The following MGAT4C variants were observed in gnomAD, a reference collection of about 807,000 sequenced individuals.
MGAT4C encodes MGAT4 family member C.
Under a neutral mutation model 40.1 loss-of-function variants are expected in MGAT4C, and 19 were observed. The ratio of observed to expected loss-of-function variants is 0.47; its 90% CI spans 0.33 to 0.70. The LOEUF is 0.70. Among genes scored for constraint, MGAT4C ranks in the 30% least tolerant of loss-of-function variants. The pLI is 0.02. For synonymous variants in MGAT4C, 181 were observed against 187.1 expected, an observed-to-expected ratio of 0.97 and a Z score of 0.27; for missense variants, 491 against 563.2, an observed-to-expected ratio of 0.87 and a Z score of 1.30.
chr12:86,700,544 C>T (rs1950343535), intron 2 of MGAT4C, among the ~76,000 whole-genome samples: 1 of 151,920 alleles, frequency 6.6e-6, no homozygotes, highest in African/African-American at 2.4e-5. Flanking sequence ...AAATGAAGTG[C>T]CCTTCTAATG....
At chr12:86,754,039 A>T (rs1224404365) in intron 1 of MGAT4C, among the ~76,000 whole-genome samples, 3 of 152,154 alleles carry the variant, frequency 2.0e-5, no homozygotes, top group African/African-American at 7.2e-5. Context: ...ACTTGTATGT[A>T]AGCATTCGTA....
In MGAT4C at chr12:86,589,732, A is replaced by C. The variant is rs546689777; in HGVS notation, c.-229+137477T>G. Among the ~76,000 whole-genome samples the C allele has an allele frequency of 7.6e-3, 1,160 of 152,174 alleles. 15 individuals carry two copies. Among genetic ancestry groups the C allele is most frequent in the African/African-American group, 0.025 (1,055 of 41,552 alleles). On this transcript the variant is annotated intron_variant, in intron 2 of 7. Coordinates refer to the MGAT4C transcript ENST00000548651. ...TGATCAAGTGGGCTTCATCCCTGGG[A>C]TGCAAGGCTGGTTCAATATACGCAA...
intron 2 of MGAT4C, among the ~76,000 whole-genome samples, chr12:86,640,331 T>C (rs1963343448): frequency 2.0e-5 from 3 of 151,834 alleles, no homozygotes; most frequent in Admixed American, 1.3e-4. Context: ...GTTATTTTGA[T>C]TGAATAAAGT....
chr12:86,635,029 T>C (rs532296329), intron 2 of MGAT4C, among the ~76,000 whole-genome samples: 1 of 152,296 alleles, frequency 6.6e-6, no homozygotes, highest in South Asian at 2.1e-4. Context: ...TACGTCTTAC[T>C]GAGCTTTTTA....
chr12:86,783,375 A>G (rs903164101), intron 1 of MGAT4C, among the ~76,000 whole-genome samples: 2 of 152,130 alleles, frequency 1.3e-5, no homozygotes, highest in Admixed American at 1.3e-4. Flanking sequence ...TTTCACATGC[A>G]TCATTTCAAT....
At chr12:86,276,812 C>T (rs979660418) in intron 4 of MGAT4C, among the ~76,000 whole-genome samples, 4 of 152,304 alleles carry the variant, frequency 2.6e-5, no homozygotes, top group African/African-American at 9.6e-5. Context: ...ATACATACTA[C>T]ATGTTCTTTA....
intron 1 of MGAT4C, among the ~76,000 whole-genome samples, chr12:86,817,908 A>G (rs1952635286): frequency 6.6e-6 from 1 of 151,424 alleles, no homozygotes; most frequent in Non-Finnish European, 1.5e-5. Context: ...CAGGAATTTG[A>G]ACTGGTTCCT....
At chr12:86,730,231 C>A (rs1344675278) in intron 1 of MGAT4C, among the ~76,000 whole-genome samples, 1 of 151,944 alleles carries the variant, frequency 6.6e-6, no homozygotes, top group Non-Finnish European at 1.5e-5. Context: ...ATATTTATGT[C>A]AACTGCTACT....
rs538473097 is a variant in MGAT4C, at chr12:86,521,472, G to A, written c.-228-86207C>T. Among the ~76,000 whole-genome samples, 102 of 152,116 alleles carry A rather than the reference G, an allele frequency of 6.7e-4. 1 individual carries two copies. In the South Asian group the frequency reaches 0.012, roughly 18 times the overall value. On this transcript the variant is annotated intron_variant, in intron 2 of 7. Coordinates refer to the MGAT4C transcript ENST00000548651. Reference sequence around the variant, plus strand: ...GTACTATGCTGCTCTGTTTACTGTAGCCCTGTAGTATAGTTTGAAGTTGGG... The same window carrying A: ...GTACTATGCTGCTCTGTTTACTGTAACCCTGTAGTATAGTTTGAAGTTGGG...
intron 2 of MGAT4C, among the ~76,000 whole-genome samples, chr12:86,584,097 G>A (rs1960908348): frequency 6.6e-6 from 1 of 150,676 alleles, no homozygotes; most frequent in Non-Finnish European, 1.5e-5. Context: ...TTTTATCAGT[G>A]AGTTTTATCA....
In MGAT4C at chr12:86,264,546, A is replaced by C. The variant is rs115962308; in HGVS notation, c.-57+69519T>G. Among the ~76,000 whole-genome samples the C allele has an allele frequency of 7.7e-3, 1,166 of 152,186 alleles. 22 individuals are homozygous for C. Among genetic ancestry groups the C allele is most frequent in the African/African-American group, 0.027 (1,117 of 41,518 alleles). The stretch of plus-strand genomic sequence containing the variant: ...CAGGTGGAAGTCCCGCCCCCTTCCG[A>C]GTTAGCTGGGCAGGAGCCTCCTGCT... On this transcript the variant is annotated intron_variant, in intron 4 of 7. Transcript: ENST00000548651.
At chr12:86,315,607 G>A (rs925361270) in intron 4 of MGAT4C, among the ~76,000 whole-genome samples, 3 of 152,156 alleles carry the variant, frequency 2.0e-5, no homozygotes, top group Non-Finnish European at 2.9e-5. Context: ...TCTGGAGGCT[G>A]AGGCAGGAGA....
chr12:86,767,816 AC>A lies in MGAT4C; in HGVS notation c.-261-40576del, dbSNP rs577124446. On this transcript the variant is annotated intron_variant, in intron 1 of 7. Transcript: ENST00000548651. Reference sequence around the variant, plus strand: ...AAAAGGCCTTTGACAAAATTCAACAACCCTTCATGCTAAAAACTCTCAGTAA... The same window carrying A: ...AAAAGGCCTTTGACAAAATTCAACAACCTTCATGCTAAAAACTCTCAGTAA... Among the ~76,000 whole-genome samples the A allele has an allele frequency of 6.7e-3, 1,026 of 152,200 alleles. 3 individuals carry two copies. The highest frequency in any genetic ancestry group is 0.037 in the Middle Eastern group (11 of 294).
intron 2 of MGAT4C, among the ~76,000 whole-genome samples, chr12:86,633,484 G>A (rs930651413): frequency 2.6e-5 from 4 of 152,034 alleles, no homozygotes; most frequent in African/African-American, 7.2e-5. Context: ...GTAAGAGACT[G>A]TGACAACCAT....
chr12:86,290,564 A>G (rs1381918799), intron 4 of MGAT4C, among the ~76,000 whole-genome samples: 2 of 152,182 alleles, frequency 1.3e-5, no homozygotes, highest in African/African-American at 4.8e-5. Flanking sequence ...GCAAGAGAAT[A>G]AAGTAGGTTG....
intron 4 of MGAT4C, among the ~76,000 whole-genome samples, chr12:86,280,679 C>T (rs896879610): frequency 2.6e-4 from 39 of 149,488 alleles, no homozygotes; most frequent in African/African-American, 9.5e-4. Context: ...TACTAGTTTA[C>T]ACATTTTGAA....
At chr12:85,988,363 G>C (rs1376631615) in intron 3 of MGAT4C, among the ~76,000 whole-genome samples, 1 of 152,074 alleles carries the variant, frequency 6.6e-6, no homozygotes, top group Non-Finnish European at 1.5e-5. Context: ...TGACTCATAG[G>C]ATATAGCATA....
chr12:86,077,366 C>T (rs981230528), intron 1 of MGAT4C, among the ~76,000 whole-genome samples: 3 of 152,088 alleles, frequency 2.0e-5, no homozygotes, highest in Non-Finnish European at 4.4e-5. Flanking sequence ...AGGAAGTCAA[C>T]AATACTTAAA....
chr12:86,451,520 T>G (rs900181394), intron 2 of MGAT4C, among the ~76,000 whole-genome samples: 1 of 152,186 alleles, frequency 6.6e-6, no homozygotes, highest in African/African-American at 2.4e-5. Flanking sequence ...ACAGGTTTAC[T>G]ATAAAATGGC....
Sources: gnomAD v4.1 joint callset for allele counts (sites outside exome capture counted in the v4.1 genomes callset) on GRCh38, gnomAD v4.1.1 for gene constraint, MANE v1.5 for transcripts, NCBI Gene and HGNC (gene_info 2026-07-23, HGNC 2026-07-21) for gene names.